Variants in TNS3 observed in about 807,000 individuals in gnomAD.
TNS3 encodes the protein tensin-3.
In TNS3, 45 loss-of-function variants were observed where a neutral mutation model predicts 140.9. The observed-to-expected ratio is 0.32, with a 90% CI of 0.25 to 0.41. The LOEUF is 0.41. Ranked by LOEUF, TNS3 falls within the 10% of genes least tolerant of loss-of-function variation. The probability of loss-of-function intolerance (pLI) is 1.00; values close to 1 mark genes in which losing one functional copy is unlikely to be tolerated. For missense variants in TNS3, 1,716 were observed against 1,906.7 expected (o/e 0.90, Z 1.86); for synonymous variants, 815 against 788.4 (o/e 1.03, Z -0.56).
intron 13 of TNS3, among the ~76,000 whole-genome samples, chr7:47,409,187 AAG>A (rs1488642037): frequency 1.3e-5 from 2 of 152,016 alleles, no homozygotes; most frequent in Non-Finnish European, 2.9e-5. Flanking sequence ...GGTGGGAGAG[AAG>A]AGAGGGGAGA....
chr7:47,389,080 AGAAGAG>A lies in TNS3; in HGVS notation c.1024+7714_1024+7719del, dbSNP rs1167454390. 5.0e-4 allele frequency among the ~76,000 whole-genome samples: 33 copies of A among 65,832 alleles called. 6 individuals carry two copies. The highest frequency in any genetic ancestry group is 1.7e-3 in the African/African-American group (26 of 15,194). 43.2% of individuals were successfully genotyped at this position (65,832 alleles called of 152,430 possible). ...AAGAAGAAGAAGAAGAAGAAGAAGAAGAAGAGGAAGAGGAAGAGGAAGCGGAAGCAG... is the reference window on the plus strand; with the variant it reads ...AAGAAGAAGAAGAAGAAGAAGAAGAAGAAGAGGAAGAGGAAGCGGAAGCAG... On this transcript the variant is annotated intron_variant, in intron 16 of 30. Transcript: ENST00000311160.
chr7:47,417,334 C>T (rs1794135564), intron 10 of TNS3, among the ~76,000 whole-genome samples: 1 of 152,254 alleles, frequency 6.6e-6, no homozygotes, highest in Non-Finnish European at 1.5e-5. Flanking sequence ...ATTGTTGCCC[C>T]TGACACCAGA....
intron 4 of TNS3, among the ~76,000 whole-genome samples, chr7:47,478,804 T>C (rs544920745): frequency 2.0e-5 from 3 of 152,128 alleles, no homozygotes; most frequent in South Asian, 4.2e-4. Flanking sequence ...AACAATTACA[T>C]GTATAACATG....
chr7:47,577,201 G>A lies in TNS3; in HGVS notation c.-265+4850C>T, dbSNP rs541563047. On this transcript the variant is annotated intron_variant, in intron 1 of 30. Coordinates refer to ENST00000311160, the MANE Select transcript of TNS3 (RefSeq NM_022748.12). ...CCCGTATTCATCCTTCCTGGGTGCC[G>A]ACAGGTTGCCGCTCGCTTGGGCAGC... Among the ~76,000 whole-genome samples, 33 of 152,280 alleles carry A rather than the reference G, an allele frequency of 2.2e-4. 1 individual carries two copies. The South Asian group carries it at 6.0e-3, about 28-fold the overall frequency.
chr7:47,282,033 C>A (rs1584303751), intron 28 of TNS3, among the ~76,000 whole-genome samples: 1 of 151,360 alleles, frequency 6.6e-6, no homozygotes. Context: ...GACCCTGAGC[C>A]CACCAGGTAG....
At chr7:47,390,926 C>T (rs1269267756) in intron 16 of TNS3, among the ~76,000 whole-genome samples, 1 of 152,184 alleles carries the variant, frequency 6.6e-6, no homozygotes, top group Non-Finnish European at 1.5e-5. Context: ...CAGAGGGCGT[C>T]CTCCAGCCTC....
chr7:47,576,855 T>TGGAGCAGAGCCC, intron 1 of TNS3, among the ~76,000 whole-genome samples: 1 of 152,344 alleles, frequency 6.6e-6, no homozygotes, highest in African/African-American at 2.4e-5. Context: ...TCCCAGGGCC[T>TGGAGCAGAGCCC]GGAGCAGAGC....
chr7:47,352,366 ACT>A (rs1223461821), intron 17 of TNS3, among the ~76,000 whole-genome samples: 7 of 151,770 alleles, frequency 4.6e-5, no homozygotes. Context: ...TCATTCTCAC[ACT>A]CACACTCACG....
At position 47,369,633 on chromosome 7, in the gene TNS3, A is replaced by G; in HGVS notation, c.1025-12T>C. On this transcript the variant is annotated splice_polypyrimidine_tract_variant and intron_variant, in intron 16 of 30. Transcript: ENST00000311160. The stretch of plus-strand genomic sequence containing the variant: ...CTGCGTGTGTAGCACTGCGGGGGAG[A>G]AAACCGGAGAGAGGCTTTCAGTCAG... The G allele has an allele frequency of 6.5e-7, 1 of 1,538,098 alleles. No individual in the cohort carries two copies.
At position 47,407,027 on chromosome 7, in the gene TNS3, G is replaced by A. The variant is rs1022516700; in HGVS notation, c.723+4700C>T. Among the ~76,000 whole-genome samples, 1 of 152,182 alleles carries A rather than the reference G, an allele frequency of 6.6e-6. No homozygotes were observed. The highest frequency in any genetic ancestry group is 6.5e-5 in the Admixed American group (1 of 15,288). ...GAACACCCAGAAGAAGCATGAACGG[G>A]AGGAGGGGATGGCTCCCGCTCCTCT... On this transcript the variant is annotated intron_variant, in intron 13 of 30. Transcript: ENST00000311160. This position sits in a 1 kb window ranked among gnomAD's most constrained non-coding sequence, Gnocchi z 4.1.
At chr7:47,452,770 G>A (rs1199140211) in intron 4 of TNS3, among the ~76,000 whole-genome samples, 4 of 152,178 alleles carry the variant, frequency 2.6e-5, no homozygotes, top group South Asian at 4.1e-4. Flanking sequence ...AGGTCCCACC[G>A]AACATCTGCA....
intron 3 of TNS3, among the ~76,000 whole-genome samples, chr7:47,494,252 T>C (rs778133328): frequency 9.9e-5 from 15 of 152,186 alleles, no homozygotes; most frequent in Non-Finnish European, 2.1e-4. Flanking sequence ...ACCTTTAAAA[T>C]GCCCACAAGT....
chr7:47,565,051 G>A (rs1800399454), intron 1 of TNS3, among the ~76,000 whole-genome samples: 1 of 151,900 alleles, frequency 6.6e-6, no homozygotes, highest in Non-Finnish European at 1.5e-5. Flanking sequence ...TAAAGACACT[G>A]GCCTCCAGAA....
In TNS3 at chr7:47,432,723, G is replaced by A. The variant is rs1350515191; in HGVS notation, c.324+2559C>T. ...TGGGTGGAAGCAGCCATGGATGTAC[G>A]TGAACAGATGGAGGTGGCCATGTTC... On this transcript the variant is annotated intron_variant, in intron 8 of 30. Transcript: ENST00000311160. 4.6e-5 allele frequency among the ~76,000 whole-genome samples: 7 copies of A among 152,234 alleles called. No homozygotes were observed. The East Asian group carries it at 5.8e-4, about 13-fold the overall frequency.
At chr7:47,283,964 G>A (rs1707141504) in intron 27 of TNS3, 99 bp from the exon 28 acceptor site, 1 of 1,213,604 alleles carries the variant, frequency 8.2e-7, no homozygotes, top group Non-Finnish European at 1.1e-6. Flanking sequence ...CTGGGTTTAT[G>A]AACAACTTGC....
Position 47,404,370 on chromosome 7 carries a change from A to C in TNS3, c.724-3456T>G, listed in dbSNP as rs75902645. 5.1e-3 allele frequency among the ~76,000 whole-genome samples: 781 copies of C among 152,344 alleles called. 4 individuals are homozygous for C. The highest frequency in any genetic ancestry group is 0.018 in the African/African-American group (750 of 41,572). On this transcript the variant is annotated intron_variant, in intron 13 of 30. Coordinates refer to ENST00000311160, the MANE Select transcript of TNS3 (RefSeq NM_022748.12). ...GTTATAAAGATTAAATTAGCACTAC[A>C]TATTAATATAATTCATTATCCAATA...
At chr7:47,388,606 T>C (rs1480972141) in intron 16 of TNS3, among the ~76,000 whole-genome samples, 1 of 152,208 alleles carries the variant, frequency 6.6e-6, no homozygotes, top group Non-Finnish European at 1.5e-5. Context: ...GGCTCACACC[T>C]GTAATCCCAG....
At chr7:47,448,453 A>T (rs1562756084) in intron 4 of TNS3, among the ~76,000 whole-genome samples, 1 of 148,282 alleles carries the variant, frequency 6.7e-6, no homozygotes, top group Non-Finnish European at 1.5e-5. Context: ...AATCAATGAG[A>T]GCCCAACTCT....
At chr7:47,312,956 C>G (rs1339505252) in intron 20 of TNS3, among the ~76,000 whole-genome samples, 3 of 152,122 alleles carry the variant, frequency 2.0e-5, no homozygotes, top group Admixed American at 6.5e-5. Context: ...ATGGCCTACA[C>G]CAGCCGGAGA....
Sources: gnomAD v4.1 joint callset for allele counts (sites outside exome capture counted in the v4.1 genomes callset) on GRCh38, gnomAD v4.1.1 for gene constraint, Gnocchi (gnomAD v3.1) non-coding constraint, MANE v1.5 for transcripts, NCBI Gene and HGNC (gene_info 2026-07-23, HGNC 2026-07-21) for gene names.